Variants in BACH1 observed in about 807,000 individuals in gnomAD.
BACH1 encodes transcription regulator protein BACH1.
Under a neutral mutation model 52.9 loss-of-function variants are expected in BACH1, and 35 were observed. The ratio of observed to expected loss-of-function variants is 0.66; its 90% confidence interval spans 0.51 to 0.88. The LOEUF (loss-of-function observed/expected upper bound fraction) is 0.88, where lower values mean the gene tolerates loss of function less well. Among genes scored for constraint, BACH1 ranks in the 40% least tolerant of loss-of-function variants. The pLI is 0.00. For missense variants in BACH1, 808 were observed against 872.6 expected (o/e 0.93, Z 0.93); for synonymous variants, 321 against 319.6 (o/e 1.00, Z -0.05).
intron 1 of BACH1, among the ~76,000 whole-genome samples, chr21:29,317,047 G>T (rs2088795431): frequency 6.6e-6 from 1 of 152,232 alleles, no homozygotes; most frequent in Non-Finnish European, 1.5e-5. Context: ...TACTGCTTGA[G>T]CTCCACCTCC....
rs759190796 is a variant in BACH1, at chr21:29,340,970, TA to T, written c.1777-1412del. ...CGCACATTCTTGACCTACATCTATT[TA>T]AAAAAAAAAAAAAAAAGAACTTGTA... is the stretch of plus-strand genomic sequence containing the variant. On this transcript the variant is annotated intron_variant, in intron 4 of 4. Coordinates refer to ENST00000286800, the MANE Select transcript of BACH1 (RefSeq NM_001186.4). 9.7e-3 allele frequency among the ~76,000 whole-genome samples: 1,253 copies of T among 128,754 alleles called. 7 individuals carry two copies. The highest frequency in any genetic ancestry group is 0.024 in the Middle Eastern group (6 of 254). The allele number at this position is 128,754 out of a possible 152,430, so 84.5% of individuals were successfully genotyped here.
intron 1 of BACH1, among the ~76,000 whole-genome samples, chr21:29,318,908 C>G (rs2088817782): frequency 6.6e-6 from 1 of 152,150 alleles, no homozygotes; most frequent in Non-Finnish European, 1.5e-5. Flanking sequence ...TCCAGCTCCC[C>G]ACATTGCTGC....
rs189808264 is a variant in BACH1, at chr21:29,322,188, T to G, written c.234+674T>G. Among the ~76,000 whole-genome samples the G allele has an allele frequency of 8.7e-3, 1,319 of 152,160 alleles. 34 individuals are homozygous for G. The highest frequency in any genetic ancestry group is 0.048 in the Admixed American group (726 of 15,276). ...TGGGTCCCTCCCATGACGTGGCAATTGTGGGAGCTACAATTCAAGATAAGA... is the reference window on the plus strand; with the variant it reads ...TGGGTCCCTCCCATGACGTGGCAATGGTGGGAGCTACAATTCAAGATAAGA... On this transcript the variant is annotated intron_variant, in intron 2 of 4. Transcript: ENST00000286800.
chr21:29,337,155 T>C (rs1355813415), intron 4 of BACH1, among the ~76,000 whole-genome samples: 1 of 152,258 alleles, frequency 6.6e-6, no homozygotes, highest in Non-Finnish European at 1.5e-5. Context: ...GACATAACCA[T>C]CTAGCACTTG....
intron 4 of BACH1, among the ~76,000 whole-genome samples, chr21:29,339,630 T>G (rs1333895492): frequency 1.1e-4 from 2 of 18,284 alleles, no homozygotes; most frequent in African/African-American, 7.4e-4. Flanking sequence ...GATGCAAAGG[T>G]TTTTTTTTTT....
chr21:29,333,628 A>G (rs2089009901), intron 4 of BACH1, among the ~76,000 whole-genome samples: 2 of 152,162 alleles, frequency 1.3e-5, no homozygotes, highest in African/African-American at 2.4e-5. Context: ...GTCTTAGGCT[A>G]TTGGCTGTTT....
At chr21:29,356,827 ACT>A (rs892581265) in intron 2 of BACH1, among the ~76,000 whole-genome samples, 7 of 150,658 alleles carry the variant, frequency 4.6e-5, no homozygotes, top group Non-Finnish European at 7.4e-5. Context: ...AATAGGGTAC[ACT>A]GTTTTTCCTT....
downstream of BACH1, among the ~76,000 whole-genome samples, chr21:29,349,113 A>G (rs1384065192): frequency 6.6e-5 from 10 of 151,594 alleles, no homozygotes; most frequent in Non-Finnish European, 1.5e-4. Context: ...AAAAAAATCT[A>G]TCTTTACATA....
At chr21:29,314,223 C>T (rs531447188) in intron 1 of BACH1, among the ~76,000 whole-genome samples, 6 of 152,244 alleles carry the variant, frequency 3.9e-5, no homozygotes, top group Admixed American at 2.0e-4. Context: ...TGTTTTGGTT[C>T]TGGAGCTTGG....
intron 1 of BACH1, among the ~76,000 whole-genome samples, chr21:29,314,776 A>C (rs1208297340): frequency 6.6e-6 from 1 of 152,070 alleles, no homozygotes; most frequent in African/African-American, 2.4e-5. Flanking sequence ...TTTTCAAAAT[A>C]TATTTGTCAG....
At chr21:29,333,204 G>A (rs543419546) in intron 4 of BACH1, among the ~76,000 whole-genome samples, 1 of 152,332 alleles carries the variant, frequency 6.6e-6, no homozygotes, top group South Asian at 2.1e-4. Context: ...AGAATTTGAC[G>A]TTTAAGATAG....
intron 1 of BACH1, among the ~76,000 whole-genome samples, chr21:29,320,389 T>C (rs909022300): frequency 2.6e-5 from 4 of 152,216 alleles, no homozygotes; most frequent in Non-Finnish European, 4.4e-5. Context: ...CTGAAAAATA[T>C]AGATAAGCAT....
chr21:29,328,481 C>G (rs1227086850), intron 3 of BACH1, among the ~76,000 whole-genome samples: 1 of 151,412 alleles, frequency 6.6e-6, no homozygotes, highest in Non-Finnish European at 1.5e-5. Flanking sequence ...AATTTACATT[C>G]TTTTTAAAAA....
At position 29,342,456 on chromosome 21, in the gene BACH1, G is replaced by A. The variant is rs764100054; in HGVS notation, c.1834G>A (p.Glu612Lys). 14 of 1,614,044 alleles carry A rather than the reference G, an allele frequency of 8.7e-6. No homozygotes were observed. In the East Asian group the frequency reaches 2.2e-4, roughly 26 times the overall value. Residue 612 changes from glutamate to lysine, a missense_variant, in exon 5 of 5, where the codon GAG becomes AAG. Physicochemically the swap from Glu to Lys is moderately conservative, Grantham distance 56. Coordinates refer to ENST00000286800, the MANE Select transcript of BACH1 (RefSeq NM_001186.4). ...AGATCACATTTTGTCAACTCTGGGT[G>A]AGACAAAGCAGAACCTAACTGGACT... ...ERDHILSTLG[E>K]TKQNLTGLCQ...
chr21:29,306,787 C>T (rs1034538199), intron 1 of BACH1, among the ~76,000 whole-genome samples: 8 of 152,090 alleles, frequency 5.3e-5, no homozygotes, highest in African/African-American at 1.9e-4. Context: ...TTTTTTTCCT[C>T]TTATATGCCA....
At chr21:29,349,212 G>A (rs1229015765), downstream of BACH1, among the ~76,000 whole-genome samples, 1 of 152,110 alleles carries the variant, frequency 6.6e-6, no homozygotes, top group East Asian at 1.9e-4. Flanking sequence ...ATGCAGAATG[G>A]AATTTGGGGT....
chr21:29,359,934 T>C (rs1245678972), intron 2 of BACH1, among the ~76,000 whole-genome samples: 2 of 152,204 alleles, frequency 1.3e-5, no homozygotes, highest in Admixed American at 6.5e-5. Context: ...TCTGACCTAT[T>C]GTTTATGTAA....
At position 29,327,373 on chromosome 21, in the gene BACH1, G is replaced by A. The variant is rs1193634295; in HGVS notation, c.1549G>A (p.Ala517Thr). ...CGAAGGAGACAGTGAATCCTGTTCA[G>A]CCAGAGAACAAGAATGTGAGGTGAG... ...DTEGDSESCS[A>T]REQECEVKLP... The change falls in exon 3 of 5, where the codon GCC becomes ACC. Residue 517 changes from alanine (A) to threonine (T), a missense_variant. By Grantham distance (58) the Ala-to-Thr change is moderately conservative. Coordinates refer to ENST00000286800, the MANE Select transcript of BACH1 (RefSeq NM_001186.4). 4 of 1,613,212 alleles carry A rather than the reference G, an allele frequency of 2.5e-6. No individual in the cohort carries two copies. Among genetic ancestry groups the A allele is most frequent in the Non-Finnish European group, 3.4e-6 (4 of 1,179,588 alleles).
chr21:29,334,074 G>T (rs2089015482), intron 4 of BACH1, among the ~76,000 whole-genome samples: 1 of 151,040 alleles, frequency 6.6e-6, no homozygotes, highest in Non-Finnish European at 1.5e-5. Context: ...CCAGTAACAT[G>T]ACTTTGGTTT....
Sources: gnomAD v4.1 joint callset for allele counts (sites outside exome capture counted in the v4.1 genomes callset) on GRCh38, gnomAD v4.1.1 for gene constraint, MANE v1.5 for transcripts, NCBI Gene and HGNC (gene_info 2026-07-23, HGNC 2026-07-21) for gene names.